NBPF11: variants seen among roughly 807,000 people sequenced by gnomAD.
NBPF11 encodes NBPF family member NBPF11.
A neutral mutation model predicts 93.9 loss-of-function variants in NBPF11; 72 were observed. The ratio of observed to expected loss-of-function variants is 0.77; its 90% CI spans 0.63 to 0.93. The LOEUF is 0.93. Among genes scored for constraint, NBPF11 ranks in the 40% least tolerant of loss-of-function variants. NBPF11 has a pLI of 0.00. For missense variants in NBPF11, 705 were observed against 802.2 expected, an observed-to-expected ratio of 0.88 and a Z score of 1.46; for synonymous variants, 224 against 304.9, an observed-to-expected ratio of 0.73 and a Z score of 2.76.
At chr1:148,104,348 G>T (rs1269063959) in intron 23 of NBPF11, among the ~76,000 whole-genome samples, 189 bp downstream of exon 23, 1 of 146,760 alleles carries the variant, frequency 6.8e-6, no homozygotes, top group African/African-American at 2.7e-5. Flanking sequence ...CCTATGGTAC[G>T]TTAGTAAATG....
chr1:148,140,357 T>C (rs1448971109), intron 2 of NBPF11, among the ~76,000 whole-genome samples: 2 of 151,234 alleles, frequency 1.3e-5, no homozygotes, highest in Non-Finnish European at 2.9e-5. Flanking sequence ...GGATCCTGGG[T>C]TCAATGATGG....
chr1:148,122,235 G>C lies in NBPF11; in HGVS notation c.598C>G (p.Pro200Ala), dbSNP rs1247344169. The C allele has an allele frequency of 7.2e-5, 116 of 1,611,788 alleles. No homozygotes were observed. In the East Asian group the frequency reaches 2.0e-3, roughly 28 times the overall value. The change falls in exon 9 of 24, where the codon CCT becomes GCT. Residue 200 changes from proline to alanine, a missense_variant. Physicochemically the swap from Pro to Ala is conservative, Grantham distance 27. This residue lies in a region of NBPF11 where 262 missense variants were observed against 223.1 expected (regional missense o/e 1.17). Coordinates refer to ENST00000682118, the MANE Select transcript of NBPF11 (RefSeq NM_001385469.3). Reference protein sequence around the residue: ...EVQKAEESKVPEDSLEECAIT... With the variant: ...EVQKAEESKVAEDSLEECAIT... ...GCACATTCCTCCAGTGAGTCCTCAG[G>C]GACTTTGCTCTCTTCAGCCTTCTGC... is the stretch of plus-strand genomic sequence containing the variant.
intron 1 of NBPF11, chr1:148,149,203 C>A (rs1395165938): frequency 1.9e-6 from 3 of 1,559,188 alleles, no homozygotes; most frequent in Non-Finnish European, 2.6e-6. Context: ...ACGGGCAGAG[C>A]ATCGGCACGG....
chr1:148,142,638 C>A (rs1672378595), intron 2 of NBPF11, among the ~76,000 whole-genome samples: 1 of 152,112 alleles, frequency 6.6e-6, no homozygotes, highest in East Asian at 1.9e-4. Flanking sequence ...GGCCATGCCC[C>A]TTTCTTTCTC....
At chr1:148,126,756 A>G in intron 5 of NBPF11, 73 bp downstream of exon 5, 4 of 1,479,828 alleles carry the variant, frequency 2.7e-6, no homozygotes, top group Non-Finnish European at 3.8e-6. Context: ...GAAGGATGAA[A>G]TTATTTTTGA....
At chr1:148,111,475 G>A (rs1196237692) in intron 15 of NBPF11, among the ~76,000 whole-genome samples, 3 of 151,954 alleles carry the variant, frequency 2.0e-5, no homozygotes, top group Non-Finnish European at 2.9e-5. Context: ...GAGGATGTGC[G>A]AACTCATCGC....
At chr1:148,118,018 C>A (rs1188316226) in intron 11 of NBPF11, among the ~76,000 whole-genome samples, 6 of 151,686 alleles carry the variant, frequency 4.0e-5, no homozygotes, top group African/African-American at 1.5e-4. Context: ...ATTCATCTTT[C>A]CTTCTGTAAA....
chr1:148,111,289 G>C (rs1665199792), intron 15 of NBPF11, among the ~76,000 whole-genome samples: 1 of 151,996 alleles, frequency 6.6e-6, no homozygotes, highest in African/African-American at 2.4e-5. Flanking sequence ...AACCACAAAG[G>C]TGGGGAGAAA....
At chr1:148,149,286 T>G (rs1489439252) in intron 1 of NBPF11, 4 of 1,596,750 alleles carry the variant, frequency 2.5e-6, no homozygotes, top group Non-Finnish European at 3.4e-6. Flanking sequence ...ACCTCGGGCA[T>G]GCGCGTCGCC....
At chr1:148,108,253 T>G (rs1195404022) in intron 18 of NBPF11, among the ~76,000 whole-genome samples, 1 of 151,576 alleles carries the variant, frequency 6.6e-6, no homozygotes, top group Admixed American at 6.6e-5. Flanking sequence ...GAGAGTAGGA[T>G]TAGGGTGCCA....
intron 23 of NBPF11, 101 bp from the exon 24 acceptor site, chr1:148,104,013 A>C (rs1389990255): frequency 1.7e-5 from 27 of 1,606,122 alleles, no homozygotes; most frequent in Non-Finnish European, 2.2e-5. Flanking sequence ...TTGGAAAAGA[A>C]AAAGGACAGA....
At chr1:148,141,711 G>A (rs1369250536) in intron 2 of NBPF11, among the ~76,000 whole-genome samples, 1 of 151,796 alleles carries the variant, frequency 6.6e-6, no homozygotes, top group Non-Finnish European at 1.5e-5. Flanking sequence ...GTAAGGACAG[G>A]TGCAAACCAT....
In NBPF11 at chr1:148,131,160, G is replaced by GAA. The variant is rs60473932; in HGVS notation, c.-35-4124_-35-4123dup. On this transcript the variant is annotated intron_variant, in intron 4 of 23. Coordinates refer to ENST00000682118, the MANE Select transcript of NBPF11 (RefSeq NM_001385469.3). ...GAGTGGTTCAATTAAATATTAAGAGGAAAAAAAAAAAAAAAAGAAGCCAGT... is the reference window on the plus strand; with the variant it reads ...GAGTGGTTCAATTAAATATTAAGAGGAAAAAAAAAAAAAAAAAAGAAGCCAGT... 4.4e-4 allele frequency among the ~76,000 whole-genome samples: 52 copies of GAA among 117,150 alleles called. 1 individual carries two copies. Among genetic ancestry groups the GAA allele is most frequent in the African/African-American group, 1.0e-3 (33 of 32,494 alleles). The allele number at this position is 117,150 out of a possible 152,430, so 76.9% of individuals were successfully genotyped here.
At chr1:148,105,648 A>G (rs1663373234) in intron 21 of NBPF11, 120 bp from the exon 22 acceptor site, 2 of 654,722 alleles carry the variant, frequency 3.1e-6, no homozygotes, top group Non-Finnish European at 5.4e-6. Context: ...AGATCTATTA[A>G]TGAGGTAACA....
Position 148,151,000 on chromosome 1 carries a change from T to C in NBPF11, c.-549+750A>G, listed in dbSNP as rs1253722572. 4.6e-5 allele frequency among the ~76,000 whole-genome samples: 7 copies of C among 151,982 alleles called. No individual in the cohort carries two copies. The East Asian group carries it at 1.2e-3, about 25-fold the overall frequency. ...CGTCGGCCTCTTAAAGTGCTTCTTT[T>C]CGAAAGCAGCTCCACCAGCAAAAGG... is the stretch of plus-strand genomic sequence containing the variant. On this transcript the variant is annotated intron_variant, in intron 1 of 23. Transcript: ENST00000682118.
intron 4 of NBPF11, among the ~76,000 whole-genome samples, chr1:148,133,370 A>G (rs1670737541): frequency 6.6e-6 from 1 of 152,190 alleles, no homozygotes; most frequent in Non-Finnish European, 1.5e-5. Context: ...TAAAAGAGTA[A>G]CAGCAGGTAT....
In NBPF11 at chr1:148,112,965, G is replaced by T. The variant is rs1253057383; in HGVS notation, c.1637+1472C>A. ...GGCCTGCCCAAAAAGAGCTCCTAAA[G>T]GAAGCACTAAACATGGAAAGGAACA... On this transcript the variant is annotated intron_variant, in intron 15 of 23. Transcript: ENST00000682118. Among the ~76,000 whole-genome samples, 90 of 151,816 alleles carry T rather than the reference G, an allele frequency of 5.9e-4. 1 individual carries two copies. The highest frequency in any genetic ancestry group is 2.2e-3 in the African/African-American group (89 of 41,184).
intron 7 of NBPF11, among the ~76,000 whole-genome samples, chr1:148,123,366 T>C (rs1668345387): frequency 6.6e-6 from 1 of 152,356 alleles, no homozygotes; most frequent in African/African-American, 2.4e-5. Context: ...TTCATCTCAT[T>C]TTGAAAAGCA....
At chr1:148,134,810 T>G (rs1671003523) in intron 4 of NBPF11, among the ~76,000 whole-genome samples, 2 of 151,920 alleles carry the variant, frequency 1.3e-5, no homozygotes, top group South Asian at 4.2e-4. Flanking sequence ...TGCAAGAGAA[T>G]AGAAGAGATG....
Sources: allele counts gnomAD v4.1 joint callset (sites outside exome capture counted in the v4.1 genomes callset), GRCh38; gene constraint gnomAD v4.1.1; regional missense constraint gnomAD v4.1.1; transcripts MANE v1.5; gene names NCBI Gene and HGNC (gene_info 2026-07-23, HGNC 2026-07-21).